Variants in SPATC1 observed in about 807,000 individuals in gnomAD.
SPATC1 encodes speriolin.
Under a neutral mutation model 36.5 loss-of-function variants are expected in SPATC1, and 35 were observed. The observed-to-expected ratio is 0.96, with a 90% CI of 0.73 to 1.27. The LOEUF (loss-of-function observed/expected upper bound fraction) is 1.27. Among genes scored for constraint, SPATC1 ranks in the 50% most tolerant of loss-of-function variants. The probability of loss-of-function intolerance (pLI) is 0.00; values close to 1 mark genes in which losing one functional copy is unlikely to be tolerated. For missense variants in SPATC1, 779 were observed against 796.0 expected (o/e 0.98, Z 0.26); for synonymous variants, 361 against 353.6 (o/e 1.02, Z -0.24).
At chr8:144,022,626 A>C in intron 1 of SPATC1, among the ~76,000 whole-genome samples, 6 of 134,512 alleles carry the variant, frequency 4.5e-5, no homozygotes, top group Admixed American at 1.5e-4. Flanking sequence ...TCCCCTCAAG[A>C]CCCTCCCACT....
intron 1 of SPATC1, among the ~76,000 whole-genome samples, chr8:144,031,059 C>T: frequency 6.6e-6 from 1 of 152,068 alleles, no homozygotes; most frequent in South Asian, 2.1e-4. Context: ...AGATACAAAC[C>T]AAAAATACAA....
intron 1 of SPATC1, among the ~76,000 whole-genome samples, chr8:144,029,143 C>A (rs1307465139): frequency 2.9e-5 from 4 of 138,382 alleles, no homozygotes; most frequent in African/African-American, 5.6e-5. Flanking sequence ...CAGCAAACCA[C>A]TGTGGCACAC....
Position 144,046,967 on chromosome 8 carries a change from G to A in SPATC1, c.*11G>A, listed in dbSNP as rs782708090. 1.3e-6 allele frequency: 2 copies of A among 1,591,096 alleles called. No individual in the cohort carries two copies. Among genetic ancestry groups the A allele is most frequent in the African/African-American group, 1.3e-5 (1 of 74,866 alleles). On this transcript the variant is annotated 3_prime_UTR_variant, in exon 5 of 5. Coordinates refer to ENST00000377470, the MANE Select transcript of SPATC1 (RefSeq NM_198572.3). The surrounding 1 kb of genome is among the most constrained non-coding windows in gnomAD (Gnocchi z 6.6). ...ATGTTCATCTGGTGACGCTGGAGCT[G>A]GGAGGTCCAGGCTCGCTCAGCCCCA...
At position 144,016,728 on chromosome 8, in the gene SPATC1, C is replaced by T. The variant is rs1368230077; in HGVS notation, c.211+4002C>T. Reference sequence around the variant, plus strand: ...TCGGCTCACCGCAACCTCCACCTCCCGAGTTCAAGTGATTCTCCTGCCTGA... The same window carrying T: ...TCGGCTCACCGCAACCTCCACCTCCTGAGTTCAAGTGATTCTCCTGCCTGA... On this transcript the variant is annotated intron_variant, in intron 1 of 4. Coordinates refer to ENST00000377470, the MANE Select transcript of SPATC1 (RefSeq NM_198572.3). The surrounding 1 kb of genome is among the most constrained non-coding windows in gnomAD (Gnocchi z 4.5). Among the ~76,000 whole-genome samples, 1 of 152,156 alleles carries T rather than the reference C, an allele frequency of 6.6e-6. No individual in the cohort carries two copies.
chr8:144,019,381 T>A (rs1834458573), intron 1 of SPATC1, among the ~76,000 whole-genome samples: 1 of 151,892 alleles, frequency 6.6e-6, no homozygotes, highest in Admixed American at 6.6e-5. Flanking sequence ...GTGGCCAGAG[T>A]GATCTCTGCC....
At chr8:144,033,707 T>C (rs2133130447) in intron 1 of SPATC1, among the ~76,000 whole-genome samples, 1 of 152,294 alleles carries the variant, frequency 6.6e-6, no homozygotes, top group African/African-American at 2.4e-5. Context: ...TGACTGGCCC[T>C]GCAGACTGAT....
intron 4 of SPATC1, among the ~76,000 whole-genome samples, chr8:144,043,160 T>C (rs1203442812): frequency 6.6e-6 from 1 of 151,364 alleles, no homozygotes; most frequent in Non-Finnish European, 1.5e-5. Context: ...ACCCGGCTAA[T>C]TTTTGTATTT....
chr8:144,043,628 G>A (rs1425371114), intron 4 of SPATC1, among the ~76,000 whole-genome samples: 2 of 150,876 alleles, frequency 1.3e-5, no homozygotes, highest in African/African-American at 2.4e-5. Context: ...CACCTGCCTC[G>A]GTCTCCCAAA....
Position 144,040,547 on chromosome 8 carries a change from CTG to C in SPATC1, c.767-19_767-18del, listed in dbSNP as rs1835051311. The C allele has an allele frequency of 6.4e-7, 1 of 1,558,974 alleles. No homozygotes were observed. The highest frequency in any genetic ancestry group is 1.4e-5 in the African/African-American group (1 of 72,848). ...CACTCTAATCCCCCTTTTTTTATTT[CTG>C]TTCCCTCCACATCACTAGTCCCACT... On this transcript the variant is annotated intron_variant, in intron 2 of 4. Transcript: ENST00000377470.
intron 1 of SPATC1, among the ~76,000 whole-genome samples, chr8:144,023,040 T>C (rs1834574874): frequency 7.1e-6 from 1 of 141,824 alleles, no homozygotes; most frequent in Non-Finnish European, 1.6e-5. Context: ...ACCTCGTCCC[T>C]CAGGACCCTC....
intron 4 of SPATC1, among the ~76,000 whole-genome samples, chr8:144,043,534 C>G (rs976662411): frequency 6.6e-6 from 1 of 152,026 alleles, no homozygotes; most frequent in Non-Finnish European, 1.5e-5. Context: ...CCTGCCTTGG[C>G]CTCGCCCAGC....
intron 1 of SPATC1, 34 bp downstream of exon 1, chr8:144,012,760 G>A: frequency 6.5e-7 from 1 of 1,549,070 alleles, no homozygotes; most frequent in South Asian, 1.2e-5. Flanking sequence ...AGTGAGGAGG[G>A]AAGTGGGGAC....
chr8:144,027,586 T>C (rs1834711168), intron 1 of SPATC1, among the ~76,000 whole-genome samples: 1 of 152,230 alleles, frequency 6.6e-6, no homozygotes, highest in South Asian at 2.1e-4. Flanking sequence ...AGCTCTTCAT[T>C]TAGGCCTTTA....
intron 1 of SPATC1, among the ~76,000 whole-genome samples, chr8:144,014,015 C>G (rs1834331047): frequency 6.6e-6 from 1 of 152,152 alleles, no homozygotes; most frequent in Non-Finnish European, 1.5e-5. Flanking sequence ...CTTTGGGAGG[C>G]CAAGGTGGGT....
rs1383711981 is a variant in SPATC1 at position 144,037,218 on chromosome 8, C to T, written c.212-2691C>T. On this transcript the variant is annotated intron_variant, in intron 1 of 4. Transcript: ENST00000377470. ...TGGGGGGGTCAGCCCCCCGCCCAGC[C>T]GGCCGCCCCGCCCGGGAGGTGAGGG... Among the ~76,000 whole-genome samples the T allele has an allele frequency of 8.3e-5, 12 of 144,240 alleles. No individual in the cohort carries two copies. The South Asian group carries it at 2.1e-3, about 25-fold the overall frequency. The allele number at this position is 144,240 out of a possible 152,430, so 94.6% of individuals were successfully genotyped here. A position where few individuals can be genotyped will look rare whatever the true frequency, so the allele number is the denominator to read the frequency against.
chr8:144,028,580 TAAG>T (rs1407782155), intron 1 of SPATC1, among the ~76,000 whole-genome samples: 1 of 152,148 alleles, frequency 6.6e-6, no homozygotes, highest in South Asian at 2.1e-4. Context: ...TGTGGAGAAA[TAAG>T]AATATTTTTA....
At chr8:144,037,338 C>T (rs1249939003) in intron 1 of SPATC1, among the ~76,000 whole-genome samples, 2 of 151,584 alleles carry the variant, frequency 1.3e-5, no homozygotes, top group Admixed American at 6.6e-5. Flanking sequence ...TCATTGAGAA[C>T]GGGCCATGAT....
At chr8:144,021,284 C>A (rs1834526683) in intron 1 of SPATC1, among the ~76,000 whole-genome samples, 1 of 148,086 alleles carries the variant, frequency 6.8e-6, no homozygotes, top group Non-Finnish European at 1.5e-5. Flanking sequence ...TCCCTCAGGT[C>A]CCTCTCCCCT....
At chr8:144,023,055 C>A (rs1427588023) in intron 1 of SPATC1, among the ~76,000 whole-genome samples, 3 of 150,760 alleles carry the variant, frequency 2.0e-5, no homozygotes, top group Admixed American at 2.0e-4. Flanking sequence ...ACCCTCCCAC[C>A]TCAGGTCCCT....
Sources: allele counts gnomAD v4.1 joint callset (sites outside exome capture counted in the v4.1 genomes callset), GRCh38; gene constraint gnomAD v4.1.1; non-coding constraint Gnocchi (gnomAD v3.1); transcripts MANE v1.5; gene names NCBI Gene and HGNC (gene_info 2026-07-23, HGNC 2026-07-21).